Variants in ATP8A2 observed in about 807,000 individuals in gnomAD.
ATP8A2 encodes ATPase phospholipid transporting 8A2.
A neutral mutation model predicts 165.6 loss-of-function variants in ATP8A2; 100 were observed. The ratio of observed to expected loss-of-function variants is 0.60; its 90% CI spans 0.51 to 0.71. The LOEUF (loss-of-function observed/expected upper bound fraction) is 0.71. Ranked by LOEUF, ATP8A2 falls within the 30% of genes least tolerant of loss-of-function variation. The pLI is 0.00. For synonymous variants in ATP8A2, 543 were observed against 548.8 expected (o/e 0.99, Z 0.15); for missense variants, 1,227 against 1,479.5 (o/e 0.83, Z 2.80).
intron 24 of ATP8A2, among the ~76,000 whole-genome samples, chr13:25,616,825 T>A (rs2040839163): frequency 6.6e-6 from 1 of 152,134 alleles, no homozygotes. Flanking sequence ...CTGAATTAGG[T>A]CACAGGGTAC....
intron 24 of ATP8A2, among the ~76,000 whole-genome samples, chr13:25,696,042 A>G (rs532854106): frequency 1.3e-5 from 2 of 152,352 alleles, no homozygotes; most frequent in African/African-American, 4.8e-5. Flanking sequence ...TCCTTGATCC[A>G]TGGGCTGCAG....
Position 25,578,832 on chromosome 13 carries a change from G to C in ATP8A2, c.1800G>C (p.Glu600Asp), listed in dbSNP as rs201047668. 6 of 1,600,542 alleles carry C rather than the reference G, an allele frequency of 3.7e-6. No individual in the cohort carries two copies. In the African/African-American group the frequency reaches 4.0e-5, roughly 11 times the overall value. Reference sequence around the variant, plus strand: ...TTTTATAGGATAATGTGATTTTTGAGAGACTTTCAAAAGACTCAAAATATA... The same window carrying C: ...TTTTATAGGATAATGTGATTTTTGACAGACTTTCAAAAGACTCAAAATATA... ...YCKGADNVIF[E>D]RLSKDSKYME... Residue 600 changes from glutamate to aspartate, a missense_variant, in exon 21 of 37, where the codon GAG becomes GAC. Coordinates refer to ENST00000381655, the MANE Select transcript of ATP8A2 (RefSeq NM_016529.6).
chr13:25,754,831 T>C (rs1186867497), intron 25 of ATP8A2, among the ~76,000 whole-genome samples: 1 of 152,030 alleles, frequency 6.6e-6, no homozygotes, highest in Non-Finnish European at 1.5e-5. Context: ...TCTGTTGGAG[T>C]GGATGGTTGT....
intron 22 of ATP8A2, 142 bp from the exon 23 acceptor site, chr13:25,581,677 T>C: frequency 2.5e-6 from 2 of 816,302 alleles, no homozygotes; most frequent in South Asian, 1.5e-5. Flanking sequence ...TCCATCCAGA[T>C]GCCATCTGTA....
intron 24 of ATP8A2, among the ~76,000 whole-genome samples, chr13:25,678,788 T>C (rs751220999): frequency 1.8e-4 from 28 of 152,212 alleles, no homozygotes; most frequent in South Asian, 2.1e-4. Flanking sequence ...AGTTCACCTC[T>C]AAGGCTTCCT....
At position 25,826,901 on chromosome 13, in the gene ATP8A2, A is replaced by G. The variant is rs190988951; in HGVS notation, c.2680-1217A>G. On this transcript the variant is annotated intron_variant, in intron 27 of 36. Coordinates refer to ENST00000381655, the MANE Select transcript of ATP8A2 (RefSeq NM_016529.6). ...GTATTCAGATTACATCTGGATGATCACATCTCATATAAATGTAGCTGAATA... is the reference window on the plus strand; with the variant it reads ...GTATTCAGATTACATCTGGATGATCGCATCTCATATAAATGTAGCTGAATA... 1.4e-5 allele frequency among the ~76,000 whole-genome samples: 2 copies of G among 144,356 alleles called. 1 individual carries two copies. Among genetic ancestry groups the G allele is most frequent in the African/African-American group, 5.3e-5 (2 of 37,850 alleles). 94.7% of individuals were successfully genotyped at this position (144,356 alleles called of 152,430 possible). A position where few individuals can be genotyped will look rare whatever the true frequency, so the allele number is the denominator to read the frequency against.
intron 24 of ATP8A2, among the ~76,000 whole-genome samples, chr13:25,609,815 G>C (rs2040632475): frequency 6.7e-6 from 1 of 148,868 alleles, no homozygotes; most frequent in South Asian, 2.1e-4. Flanking sequence ...GGCCATTCTT[G>C]CAGGAGTAAG....
intron 25 of ATP8A2, among the ~76,000 whole-genome samples, chr13:25,724,463 G>A (rs2043450877): frequency 6.6e-6 from 1 of 152,198 alleles, no homozygotes; most frequent in Non-Finnish European, 1.5e-5. Context: ...TGGCCTGAGG[G>A]CCTGAAAATT....
At chr13:25,585,510 C>G (rs116225846) in intron 23 of ATP8A2, among the ~76,000 whole-genome samples, 1 of 152,078 alleles carries the variant, frequency 6.6e-6, no homozygotes, top group South Asian at 2.1e-4. Context: ...AATTTAAAGT[C>G]TTTCCCCCAC....
At chr13:25,918,863 T>C (rs1954348445) in intron 33 of ATP8A2, among the ~76,000 whole-genome samples, 1 of 152,202 alleles carries the variant, frequency 6.6e-6, no homozygotes, top group Non-Finnish European at 1.5e-5. Context: ...AAATAACTTA[T>C]TGTGTATTCC....
intron 34 of ATP8A2, among the ~76,000 whole-genome samples, chr13:25,963,770 A>C (rs909626508): frequency 6.6e-6 from 1 of 152,172 alleles, no homozygotes; most frequent in Non-Finnish European, 1.5e-5. Flanking sequence ...TTCTTTGTCC[A>C]TTTTCTGGCT....
intron 25 of ATP8A2, among the ~76,000 whole-genome samples, chr13:25,759,370 C>T (rs557327441): frequency 1.3e-5 from 2 of 152,252 alleles, no homozygotes; most frequent in Admixed American, 1.3e-4. Context: ...GATGCCTGGT[C>T]CTGCAGGAGT....
At chr13:25,874,011 G>A (rs1277954281) in intron 33 of ATP8A2, among the ~76,000 whole-genome samples, 1 of 152,190 alleles carries the variant, frequency 6.6e-6, no homozygotes, top group Admixed American at 6.5e-5. Context: ...CATTTCTTGC[G>A]TGGACAATTG....
intron 33 of ATP8A2, among the ~76,000 whole-genome samples, chr13:25,936,086 A>G (rs1473037095): frequency 6.6e-6 from 1 of 152,224 alleles, no homozygotes; most frequent in Non-Finnish European, 1.5e-5. Context: ...AAGTACCCAG[A>G]GTCCTATAAT....
intron 33 of ATP8A2, among the ~76,000 whole-genome samples, chr13:25,889,242 T>A (rs1953267743): frequency 1.6e-5 from 1 of 61,880 alleles, no homozygotes; most frequent in African/African-American, 9.3e-5. Flanking sequence ...GCTCATCCTT[T>A]GTCATATATA....
chr13:25,418,441 C>T (rs2034198146), intron 1 of ATP8A2, among the ~76,000 whole-genome samples: 1 of 151,900 alleles, frequency 6.6e-6, no homozygotes, highest in South Asian at 2.1e-4. Context: ...TCTGCCTCCT[C>T]TAGATCTAGT....
At chr13:25,463,452 A>G (rs1349434631) in intron 1 of ATP8A2, among the ~76,000 whole-genome samples, 1 of 152,074 alleles carries the variant, frequency 6.6e-6, no homozygotes, top group Non-Finnish European at 1.5e-5. Flanking sequence ...TATTTAATGT[A>G]TTGGAACAAA....
At chr13:25,513,801 A>G (rs2037365381) in intron 2 of ATP8A2, among the ~76,000 whole-genome samples, 1 of 152,222 alleles carries the variant, frequency 6.6e-6, no homozygotes, top group Non-Finnish European at 1.5e-5. Context: ...CCAAAAAAAT[A>G]CAAAAACCAG....
chr13:25,531,263 A>ATATATATGATATATATGATATATATGT (rs2038051105), intron 4 of ATP8A2, among the ~76,000 whole-genome samples: 5 of 85,474 alleles, frequency 5.8e-5, no homozygotes, highest in African/African-American at 2.4e-4. Flanking sequence ...GATATATATG[A>ATATATATGATATATATGATATATATGT]TATATATGAT....
Sources: allele counts gnomAD v4.1 joint callset (sites outside exome capture counted in the v4.1 genomes callset), GRCh38; gene constraint gnomAD v4.1.1; transcripts MANE v1.5; gene names NCBI Gene and HGNC (gene_info 2026-07-23, HGNC 2026-07-21).